The following ASTN2 variants were observed in gnomAD, a reference collection of about 807,000 sequenced individuals.
ASTN2 encodes the protein astrotactin-2.
In ASTN2, 54 loss-of-function variants were observed where a neutral mutation model predicts 139.8. The ratio of observed to expected loss-of-function variants is 0.39; its 90% CI spans 0.31 to 0.48. The LOEUF (loss-of-function observed/expected upper bound fraction) is 0.48, where lower values mean the gene tolerates loss of function less well. Ranked by LOEUF, ASTN2 falls within the 20% of genes least tolerant of loss-of-function variation. ASTN2 has a pLI of 0.95. For missense variants in ASTN2, 1,565 were observed against 1,725.1 expected, an observed-to-expected ratio of 0.91 and a Z score of 1.64; for synonymous variants, 756 against 719.5, an observed-to-expected ratio of 1.05 and a Z score of -0.81.
Position 116,699,603 on chromosome 9 carries a change from G to A in ASTN2, c.2806+26168C>T, listed in dbSNP as rs551522802. 3.1e-6 allele frequency: 5 copies of A among 1,614,034 alleles called. No individual in the cohort carries two copies. Among genetic ancestry groups the A allele is most frequent in the Non-Finnish European group, 4.2e-6 (5 of 1,180,044 alleles). On this transcript the variant is annotated intron_variant, in intron 16 of 22. Transcript: ENST00000313400. The surrounding 1 kb of genome is among the most constrained non-coding windows in gnomAD (Gnocchi z 4.2). The stretch of plus-strand genomic sequence containing the variant: ...TCGAGAGGGACTTACCTGTCCGGTG[G>A]GCATAGCCCTAACTCCTAAGGGGCA...
intron 4 of ASTN2, among the ~76,000 whole-genome samples, chr9:117,106,589 G>T (rs35531960): frequency 0.11 from 16,588 of 152,136 alleles, 1,114 homozygotes; most frequent in Non-Finnish European, 0.16. Flanking sequence ...CATATTTATT[G>T]TAGAAATGTT....
intron 7 of ASTN2, among the ~76,000 whole-genome samples, chr9:116,991,975 T>G (rs1416631674): frequency 6.6e-6 from 1 of 152,144 alleles, no homozygotes; most frequent in Non-Finnish European, 1.5e-5. Context: ...TCCTCTGCAC[T>G]GAAACACTTA....
rs140292833 is a variant in ASTN2, at chr9:117,150,236, C to T, written c.1016-8758G>A. On this transcript the variant is annotated intron_variant, in intron 3 of 22. Transcript: ENST00000313400. ...CCCTCCGGTTCCATCATCCTGTGTT[C>T]CTAAATGTAAATGAATGTGCTTTCA... Among the ~76,000 whole-genome samples the T allele has an allele frequency of 4.3e-3, 656 of 152,258 alleles. 3 individuals carry two copies. The highest frequency in any genetic ancestry group is 0.015 in the African/African-American group (612 of 41,542).
intron 16 of ASTN2, among the ~76,000 whole-genome samples, chr9:116,662,559 G>C (rs1365773022): frequency 6.6e-6 from 1 of 152,074 alleles, no homozygotes; most frequent in African/African-American, 2.4e-5. Context: ...GGCAACGAAA[G>C]TGAGACTCCA....
chr9:117,263,425 T>TA (rs374551594), intron 2 of ASTN2, among the ~76,000 whole-genome samples: 107 of 152,316 alleles, frequency 7.0e-4, no homozygotes, highest in Middle Eastern at 3.4e-3. Context: ...GCAAATTCTT[T>TA]AAAAAAATCC....
chr9:117,078,863 G>T (rs1417829471), intron 5 of ASTN2, among the ~76,000 whole-genome samples: 1 of 151,896 alleles, frequency 6.6e-6, no homozygotes, highest in Admixed American at 6.6e-5. Context: ...GGCCTCCCAA[G>T]TAGCTGGGAT....
chr9:116,734,092 C>G (rs1377706949), intron 13 of ASTN2, among the ~76,000 whole-genome samples: 4 of 151,536 alleles, frequency 2.6e-5, no homozygotes, highest in South Asian at 2.1e-4. Flanking sequence ...TTGGCTCAAA[C>G]TTTTCCTTTT....
intron 7 of ASTN2, among the ~76,000 whole-genome samples, chr9:116,994,054 A>G (rs1388560043): frequency 6.6e-6 from 1 of 151,934 alleles, no homozygotes; most frequent in Non-Finnish European, 1.5e-5. Flanking sequence ...TCAGTGAACA[A>G]ATACATGAAT....
chr9:117,100,691 A>G (rs1051361259), intron 4 of ASTN2, among the ~76,000 whole-genome samples: 1 of 152,240 alleles, frequency 6.6e-6, no homozygotes, highest in Admixed American at 6.5e-5. Flanking sequence ...TGAGTACAAG[A>G]TGAAGATGAA....
At chr9:116,752,124 G>A (rs1829417517) in intron 13 of ASTN2, among the ~76,000 whole-genome samples, 1 of 152,184 alleles carries the variant, frequency 6.6e-6, no homozygotes, top group Non-Finnish European at 1.5e-5. Flanking sequence ...AATCAAGACA[G>A]CGTGATACTG....
intron 11 of ASTN2, among the ~76,000 whole-genome samples, chr9:116,854,263 GATA>G (rs2132326736): frequency 6.6e-6 from 1 of 152,288 alleles, no homozygotes; most frequent in Admixed American, 6.5e-5. Flanking sequence ...TGAGATATCA[GATA>G]ATAATAATAG....
chr9:116,533,419 G>C (rs1009841658), intron 19 of ASTN2, among the ~76,000 whole-genome samples: 4 of 152,192 alleles, frequency 2.6e-5, no homozygotes, highest in African/African-American at 9.7e-5. Context: ...TGGTGAGAGA[G>C]GGTATCCCTG....
chr9:116,993,694 T>C (rs1836925034), intron 7 of ASTN2, among the ~76,000 whole-genome samples: 1 of 148,042 alleles, frequency 6.8e-6, no homozygotes, highest in Middle Eastern at 3.6e-3. Flanking sequence ...GTAAATAGCA[T>C]GATAAAGTGT....
At chr9:117,379,336 T>A (rs1172523781) in intron 1 of ASTN2, among the ~76,000 whole-genome samples, 1 of 152,104 alleles carries the variant, frequency 6.6e-6, no homozygotes, top group African/African-American at 2.4e-5. Flanking sequence ...GGTGTTCATT[T>A]CGGCTGGTGA....
chr9:116,813,647 A>G (rs539849597), intron 12 of ASTN2, among the ~76,000 whole-genome samples: 20 of 152,306 alleles, frequency 1.3e-4, no homozygotes, highest in African/African-American at 4.6e-4. Flanking sequence ...TTATTTATTA[A>G]TTTATTCTTC....
At chr9:116,875,793 T>C (rs10983390) in intron 10 of ASTN2, among the ~76,000 whole-genome samples, 52,908 of 152,098 alleles carry the variant, frequency 0.35, 9,927 homozygotes, top group East Asian at 0.53. Flanking sequence ...GCCTGTGCTC[T>C]ATAAATAGAA....
At chr9:116,528,337 G>A (rs1455953878) in intron 19 of ASTN2, among the ~76,000 whole-genome samples, 2 of 152,194 alleles carry the variant, frequency 1.3e-5, no homozygotes, top group African/African-American at 2.4e-5. Context: ...CTCTGAAATT[G>A]AGAGGATGAT....
intron 4 of ASTN2, among the ~76,000 whole-genome samples, chr9:117,117,288 T>G (rs1253680948): frequency 6.6e-6 from 1 of 151,922 alleles, no homozygotes; most frequent in Non-Finnish European, 1.5e-5. Flanking sequence ...TGTAAGTTGC[T>G]ATTTGCACTT....
intron 19 of ASTN2, among the ~76,000 whole-genome samples, chr9:116,541,210 T>A (rs540248314): frequency 1.3e-5 from 2 of 152,188 alleles, no homozygotes; most frequent in Non-Finnish European, 2.9e-5. Context: ...AACATTTTTC[T>A]TATAACAGAA....
Sources: gnomAD v4.1 joint callset for allele counts (sites outside exome capture counted in the v4.1 genomes callset) on GRCh38, gnomAD v4.1.1 for gene constraint, Gnocchi (gnomAD v3.1) non-coding constraint, MANE v1.5 for transcripts, NCBI Gene and HGNC (gene_info 2026-07-23, HGNC 2026-07-21) for gene names.